The following GPHN variants were observed in gnomAD, a reference collection of about 807,000 sequenced individuals.
The protein encoded by GPHN is gephyrin.
A neutral mutation model predicts 95.5 loss-of-function variants in GPHN; 17 were observed. The observed-to-expected ratio is 0.18, with a 90% CI of 0.12 to 0.27. GPHN has a LOEUF of 0.27. Ranked by LOEUF, GPHN falls within the 10% of genes least tolerant of loss-of-function variation. GPHN has a pLI of 1.00. For missense variants in GPHN, 660 were observed against 978.1 expected, an observed-to-expected ratio of 0.67 and a Z score of 4.34; for synonymous variants, 320 against 322.5, an observed-to-expected ratio of 0.99 and a Z score of 0.08.
At chr14:67,572,177 T>TC in the GPHN span, 5 of 1,606,130 alleles carry the variant, frequency 3.1e-6, no homozygotes, top group Non-Finnish European at 4.2e-6. Context: ...GACTACGCCA[T>TC]CCCCCCGGAC....
chr14:67,518,987 G>A, the GPHN span, among the ~76,000 whole-genome samples: 4 of 152,212 alleles, frequency 2.6e-5, no homozygotes, highest in South Asian at 8.3e-4. Context: ...CATTGAAGTT[G>A]AAGCCAATCT....
intron 5 of GPHN, among the ~76,000 whole-genome samples, chr14:66,909,695 TTAGA>T (rs750286411): frequency 1.3e-5 from 2 of 151,994 alleles, no homozygotes; most frequent in Admixed American, 6.6e-5. Context: ...TAGTTAATAA[TTAGA>T]TATTGTTAGT....
chr14:67,131,528 A>G (rs945282548), intron 17 of GPHN, among the ~76,000 whole-genome samples: 1 of 152,180 alleles, frequency 6.6e-6, no homozygotes, highest in Non-Finnish European at 1.5e-5. Flanking sequence ...AGCCTTGACC[A>G]TAGGAGCAGG....
At chr14:67,347,559 T>C in the GPHN span, 2 of 949,466 alleles carry the variant, frequency 2.1e-6, no homozygotes, top group South Asian at 1.5e-5. Context: ...TGGAATGCAA[T>C]GGCGTGATCT....
At position 66,953,829 on chromosome 14, in the gene GPHN, T is replaced by C. The variant is rs540831212; in HGVS notation, c.829-11362T>C. Among the ~76,000 whole-genome samples, 12 of 152,264 alleles carry C rather than the reference T, an allele frequency of 7.9e-5. No homozygotes were observed. The South Asian group carries it at 2.5e-3, about 32-fold the overall frequency. ...GGGCAGATCACTTGAGGTCAGGCGT[T>C]TGAGACCACTCTGGCCAAAATGGTG... On this transcript the variant is annotated intron_variant, in intron 8 of 22. Transcript: ENST00000478722.
chr14:67,674,142 G>C, the GPHN span, among the ~76,000 whole-genome samples: 1 of 152,194 alleles, frequency 6.6e-6, no homozygotes, highest in African/African-American at 2.4e-5. Flanking sequence ...AGTGAAAAAA[G>C]ATGAGAAAAT....
chr14:67,225,829 C>T, the GPHN span, among the ~76,000 whole-genome samples: 1 of 152,080 alleles, frequency 6.6e-6, no homozygotes, highest in African/African-American at 2.4e-5. Context: ...TTCTCTCAGC[C>T]ATGATAACAA....
chr14:67,276,686 A>G, the GPHN span, among the ~76,000 whole-genome samples: 1 of 152,192 alleles, frequency 6.6e-6, no homozygotes, highest in African/African-American at 2.4e-5. Context: ...TAGACTGAAC[A>G]TTCCTGGGGA....
the GPHN span, among the ~76,000 whole-genome samples, chr14:67,645,981 T>C: frequency 6.6e-6 from 1 of 152,172 alleles, no homozygotes; most frequent in South Asian, 2.1e-4. Context: ...AGACTAGACA[T>C]AGTCTCTGTT....
the GPHN span, among the ~76,000 whole-genome samples, chr14:67,201,157 A>C: frequency 6.6e-6 from 1 of 152,154 alleles, no homozygotes; most frequent in East Asian, 1.9e-4. Context: ...AGCAGGGTGC[A>C]GTGCTGCACA....
At chr14:67,354,174 G>A in the GPHN span, among the ~76,000 whole-genome samples, 1 of 152,058 alleles carries the variant, frequency 6.6e-6, no homozygotes, top group Non-Finnish European at 1.5e-5. Flanking sequence ...CAATAATGTA[G>A]ATTTCTACCA....
At chr14:67,179,380 T>C (rs1456596883) in intron 21 of GPHN, among the ~76,000 whole-genome samples, 198 bp from the exon 22 acceptor site, 1 of 152,004 alleles carries the variant, frequency 6.6e-6, no homozygotes, top group Non-Finnish European at 1.5e-5. Flanking sequence ...AGTGAGACCT[T>C]GTGTCAAAAG....
chr14:67,472,470 AT>A, the GPHN span: 1 of 152,392 alleles, frequency 6.6e-6, no homozygotes, highest in South Asian at 2.1e-4. Context: ...GGAGGGCATC[AT>A]TTGTTCTCAG....
intron 1 of GPHN, among the ~76,000 whole-genome samples, chr14:66,644,031 G>T (rs1252018570): frequency 6.6e-6 from 1 of 151,814 alleles, no homozygotes; most frequent in East Asian, 1.9e-4. Flanking sequence ...TTAATTATTT[G>T]GGGGCTTTAC....
chr14:67,355,631 T>G, the GPHN span, among the ~76,000 whole-genome samples: 3 of 151,832 alleles, frequency 2.0e-5, no homozygotes, highest in African/African-American at 7.3e-5. Flanking sequence ...AAGGAGCCAG[T>G]TATAAGTTCC....
At chr14:66,514,374 A>G (rs2058159065) in intron 1 of GPHN, among the ~76,000 whole-genome samples, 1 of 152,036 alleles carries the variant, frequency 6.6e-6, no homozygotes. Flanking sequence ...AGAACACTGT[A>G]AGAACTATGT....
At chr14:67,695,728 A>G in the GPHN span, 2 of 1,611,296 alleles carry the variant, frequency 1.2e-6, no homozygotes, top group Non-Finnish European at 1.7e-6. Flanking sequence ...GCGGCACCAG[A>G]GCGGGATGCT....
intron 1 of GPHN, among the ~76,000 whole-genome samples, chr14:66,586,978 A>T (rs535812028): frequency 1.3e-5 from 2 of 152,294 alleles, no homozygotes; most frequent in East Asian, 1.9e-4. Context: ...TTTTCAGAAG[A>T]TAAACAGTTG....
the GPHN span, among the ~76,000 whole-genome samples, chr14:67,375,529 CAA>C: frequency 3.8e-5 from 5 of 131,198 alleles, no homozygotes. Flanking sequence ...GATAAAATAT[CAA>C]AAAAAAAAAA....
Sources: gnomAD v4.1 joint callset for allele counts (sites outside exome capture counted in the v4.1 genomes callset) on GRCh38, gnomAD v4.1.1 for gene constraint, MANE v1.5 for transcripts, NCBI Gene and HGNC (gene_info 2026-07-23, HGNC 2026-07-21) for gene names.